SDAD1: variants seen among roughly 807,000 people sequenced by gnomAD.
SDAD1 encodes the protein protein SDA1 homolog.
SDAD1 carries 79 observed loss-of-function variants against 100.3 expected under a neutral mutation model. That is an observed-to-expected ratio of 0.79 (90% CI 0.66 to 0.95). SDAD1 has a LOEUF of 0.95. Ranked by LOEUF, SDAD1 falls within the 40% of genes least tolerant of loss-of-function variation. The pLI is 0.00. For synonymous variants in SDAD1, 267 were observed against 271.4 expected, an observed-to-expected ratio of 0.98 and a Z score of 0.16; for missense variants, 790 against 810.9, an observed-to-expected ratio of 0.97 and a Z score of 0.31.
intron 17 of SDAD1, 140 bp downstream of exon 17, chr4:75,959,926 A>C: frequency 1.2e-6 from 1 of 829,762 alleles, no homozygotes; most frequent in Non-Finnish European, 1.7e-6. Context: ...TTGATCCCCC[A>C]TACTTCTAAC....
intron 1 of SDAD1, among the ~76,000 whole-genome samples, chr4:75,985,254 AC>A (rs1231384716): frequency 1.3e-5 from 2 of 152,058 alleles, no homozygotes; most frequent in African/African-American, 4.8e-5. Flanking sequence ...TCCTCATTCC[AC>A]TACAATCCTG....
At chr4:75,959,959 C>T (rs1729135805) in intron 17 of SDAD1, 107 bp downstream of exon 17, 2 of 1,218,260 alleles carry the variant, frequency 1.6e-6, no homozygotes, top group African/African-American at 1.5e-5. Context: ...ATAGTCATTG[C>T]TCAATAAATA....
chr4:75,965,905 C>T, intron 12 of SDAD1, 83 bp from the exon 13 acceptor site: 2 of 1,154,750 alleles, frequency 1.7e-6, no homozygotes, highest in Non-Finnish European at 2.6e-6. Context: ...CAAGCTCATT[C>T]TGGTCTAAAT....
In SDAD1 at chr4:75,961,117, A is replaced by T. The variant is rs1330010034; in HGVS notation, c.1280-13T>A. 1.2e-6 allele frequency: 2 copies of T among 1,612,968 alleles called. No homozygotes were observed. The highest frequency in any genetic ancestry group is 1.7e-6 in the Non-Finnish European group (2 of 1,178,970). ...GACATCATTACATCTGTAAAATAATACTTTTAATTAGAAATTCTGGCCCAT... is the reference window on the plus strand; with the variant it reads ...GACATCATTACATCTGTAAAATAATTCTTTTAATTAGAAATTCTGGCCCAT... On this transcript the variant is annotated splice_polypyrimidine_tract_variant and intron_variant, in intron 15 of 21. Coordinates refer to ENST00000356260, the MANE Select transcript of SDAD1 (RefSeq NM_018115.4).
At chr4:75,961,972 A>G (rs1000485113) in intron 14 of SDAD1, among the ~76,000 whole-genome samples, 2 of 152,208 alleles carry the variant, frequency 1.3e-5, no homozygotes, top group Admixed American at 6.5e-5. Flanking sequence ...ATATGTATAC[A>G]TGTGTCATGT....
In SDAD1 at chr4:75,987,972, T is replaced by C. The variant is rs566042733; in HGVS notation, c.90+2780A>G. ...ACTGGCTGCTTTCTCAGTCCCTTTTTCCAGTTACTTAGAAACTCACTGGCC... is the reference window on the plus strand; with the variant it reads ...ACTGGCTGCTTTCTCAGTCCCTTTTCCCAGTTACTTAGAAACTCACTGGCC... On this transcript the variant is annotated intron_variant, in intron 1 of 21. Coordinates refer to ENST00000356260, the MANE Select transcript of SDAD1 (RefSeq NM_018115.4). Among the ~76,000 whole-genome samples the C allele has an allele frequency of 2.6e-4, 39 of 152,298 alleles. No individual in the cohort carries two copies. In the South Asian group the frequency reaches 7.7e-3, roughly 30 times the overall value.
intron 12 of SDAD1, among the ~76,000 whole-genome samples, chr4:75,966,845 C>T (rs1017217420): frequency 1.3e-5 from 2 of 152,216 alleles, no homozygotes; most frequent in African/African-American, 4.8e-5. Context: ...TCTCGGCTCA[C>T]AGCAACCTTC....
rs780221956 is a variant in SDAD1, at chr4:75,961,191, G to A, written c.1279+20C>T. 6.2e-7 allele frequency: 1 copy of A among 1,603,172 alleles called. No individual in the cohort carries two copies. Among genetic ancestry groups the A allele is most frequent in the South Asian group, 1.1e-5 (1 of 90,858 alleles). On this transcript the variant is annotated intron_variant, in intron 15 of 21. Transcript: ENST00000356260. ...GTCACACTGTACTCTTTGGTGTGTA[G>A]AGAGTAACATGCAGCTTACTCTTAT...
chr4:75,990,749 CA>C lies in SDAD1; in HGVS notation c.90+2del, dbSNP rs780999523. 3.1e-6 allele frequency: 5 copies of C among 1,613,834 alleles called. No homozygotes were observed. The African/African-American group carries it at 6.7e-5, about 22-fold the overall frequency. ...TCTAGCGTCTGCCGCGCCGCACTCC[CA>C]CCTCCTCGATGTAGGCCGGCGGGTC... On this transcript the variant is annotated splice_donor_variant, in intron 1 of 21. Coordinates refer to ENST00000356260, the MANE Select transcript of SDAD1 (RefSeq NM_018115.4). LOFTEE classifies it high-confidence loss of function.
At chr4:75,986,966 C>T (rs962431464) in intron 1 of SDAD1, among the ~76,000 whole-genome samples, 5 of 151,882 alleles carry the variant, frequency 3.3e-5, no homozygotes, top group African/African-American at 7.3e-5. Context: ...TGCAGTGAGC[C>T]GTGATCACAC....
intron 21 of SDAD1, among the ~76,000 whole-genome samples, chr4:75,955,439 C>T (rs544831505): frequency 1.3e-4 from 20 of 152,178 alleles, no homozygotes; most frequent in South Asian, 4.1e-4. Context: ...CGTTGCATTG[C>T]GGGCTGCTGG....
intron 3 of SDAD1, 35 bp downstream of exon 3, chr4:75,981,337 A>G (rs939443368): frequency 3.6e-5 from 57 of 1,599,330 alleles, no homozygotes; most frequent in Non-Finnish European, 4.8e-5. Context: ...ACACATGAAC[A>G]CAGCACAATT....
intron 21 of SDAD1, 68 bp from the exon 22 acceptor site, chr4:75,950,865 G>A: frequency 9.5e-7 from 1 of 1,054,268 alleles, no homozygotes; most frequent in Non-Finnish European, 1.4e-6. Context: ...TTGGTTACAT[G>A]AAAGTTTACT....
chr4:75,974,762 C>A (rs1286997679), intron 6 of SDAD1, among the ~76,000 whole-genome samples: 5 of 150,154 alleles, frequency 3.3e-5, no homozygotes, highest in Non-Finnish European at 7.4e-5. Context: ...AATATATAGG[C>A]CGGGCGCAGT....
At position 75,966,741 on chromosome 4, in the gene SDAD1, C is replaced by T. The variant is rs534532927; in HGVS notation, c.1045+536G>A. 7.4e-4 allele frequency among the ~76,000 whole-genome samples: 113 copies of T among 152,202 alleles called. 2 individuals carry two copies. The highest frequency in any genetic ancestry group is 2.8e-4 in the Non-Finnish European group (19 of 67,990). On this transcript the variant is annotated intron_variant, in intron 12 of 21. Coordinates refer to ENST00000356260, the MANE Select transcript of SDAD1 (RefSeq NM_018115.4). ...ATTTACAGTATTACAAGAAGACTTGCTTTGAGAAACCAATTTGTTGTTGTT... is the reference window on the plus strand; with the variant it reads ...ATTTACAGTATTACAAGAAGACTTGTTTTGAGAAACCAATTTGTTGTTGTT...
chr4:75,952,591 T>A (rs1728674854), intron 21 of SDAD1, among the ~76,000 whole-genome samples: 2 of 152,196 alleles, frequency 1.3e-5, no homozygotes, highest in African/African-American at 4.8e-5. Context: ...TAAGATTCCT[T>A]TATTTAAGAC....
At chr4:75,966,287 C>A (rs1729537519) in intron 12 of SDAD1, among the ~76,000 whole-genome samples, 1 of 147,634 alleles carries the variant, frequency 6.8e-6, no homozygotes, top group African/African-American at 2.7e-5. Flanking sequence ...CACACACACA[C>A]ACACACACAC....
intron 12 of SDAD1, 110 bp downstream of exon 12, chr4:75,967,167 C>A: frequency 1.0e-6 from 1 of 999,804 alleles, no homozygotes; most frequent in South Asian, 1.4e-5. Flanking sequence ...CTTCACATCT[C>A]TAATGTAGAG....
chr4:75,952,428 C>A (rs1412143088), intron 21 of SDAD1, among the ~76,000 whole-genome samples: 1 of 152,212 alleles, frequency 6.6e-6, no homozygotes, highest in Non-Finnish European at 1.5e-5. Context: ...GGTATATCCC[C>A]CTTTTCTTCT....
Sources: allele counts gnomAD v4.1 joint callset (sites outside exome capture counted in the v4.1 genomes callset), GRCh38; gene constraint gnomAD v4.1.1; transcripts MANE v1.5; gene names NCBI Gene and HGNC (gene_info 2026-07-23, HGNC 2026-07-21).